The following CTDNEP1 variants were observed in gnomAD, a reference collection of about 807,000 sequenced individuals.
CTDNEP1 encodes the protein C-terminal domain nuclear envelope phosphatase 1.
CTDNEP1 carries 3 observed loss-of-function variants against 30.1 expected under a neutral mutation model. The observed-to-expected ratio is 0.10, with a 90% confidence interval of 0.05 to 0.26. The LOEUF (loss-of-function observed/expected upper bound fraction) is 0.26. Among genes scored for constraint, CTDNEP1 ranks in the 10% least tolerant of loss-of-function variants. CTDNEP1 has a pLI of 1.00. For synonymous variants in CTDNEP1, 123 were observed against 118.8 expected, an observed-to-expected ratio of 1.04 and a Z score of -0.23; for missense variants, 158 against 310.4, an observed-to-expected ratio of 0.51 and a Z score of 3.69.
chr17:7,245,486 T>C (rs1317182234), intron 6 of CTDNEP1, among the ~76,000 whole-genome samples: 1 of 151,450 alleles, frequency 6.6e-6, no homozygotes, highest in African/African-American at 2.4e-5. Flanking sequence ...AAATAAATTT[T>C]ATTTTTATTT....
chr17:7,249,739 C>A (rs1340476246), intron 1 of CTDNEP1, among the ~76,000 whole-genome samples: 3 of 152,120 alleles, frequency 2.0e-5, no homozygotes, highest in South Asian at 4.1e-4. Flanking sequence ...GGTGAAAACC[C>A]GTTTCTACTA....
rs952892191 is a variant in CTDNEP1 at position 7,247,507 on chromosome 17, T to G, written c.103-164A>C. ...TTTTTGAGATGGAGTCTCGCTCTGT[T>G]GCCCAGGCTGGAGTGCAGCGGCATG... is the stretch of plus-strand genomic sequence containing the variant. On this transcript the variant is annotated intron_variant, in intron 1 of 7. Transcript: ENST00000574322. 2.6e-5 allele frequency among the ~76,000 whole-genome samples: 4 copies of G among 151,362 alleles called. No individual in the cohort carries two copies. The South Asian group carries it at 8.4e-4, about 32-fold the overall frequency.
chr17:7,250,050 CTAAATCAGGAA>C (rs973903169), intron 1 of CTDNEP1, among the ~76,000 whole-genome samples: 98 of 152,146 alleles, frequency 6.4e-4, no homozygotes, highest in African/African-American at 2.3e-3. Context: ...TGTTCGCGCC[CTAAATCAGGAA>C]GTGGAAGCAG....
chr17:7,251,293 T>A lies in CTDNEP1; in HGVS notation c.4A>T (p.Met2Leu). ...AGCCCCAGCAGACACTGCGTCCGCA[T>A]CATCCCGATGACCCCGGCACCGCCG... M[M>L]RTQCLLGLRT... The change falls in exon 1 of 8, where the codon ATG (methionine) becomes TTG (leucine). Residue 2 changes from methionine to leucine, a missense_variant. Physicochemically the swap from Met to Leu is conservative, Grantham distance 15. Around this residue, in one of 2 missense-constraint regions of CTDNEP1, gnomAD observed 62 missense variants for 81.4 expected, o/e 0.76. Coordinates refer to ENST00000574322, the MANE Select transcript of CTDNEP1 (RefSeq NM_001143775.2). 6.4e-7 allele frequency: 1 copy of A among 1,572,752 alleles called. No homozygotes were observed. Among genetic ancestry groups the A allele is most frequent in the Non-Finnish European group, 8.6e-7 (1 of 1,162,216 alleles).
rs543551576 is a variant in CTDNEP1, at chr17:7,245,249, G to A, written c.590-614C>T. 2.2e-4 allele frequency among the ~76,000 whole-genome samples: 34 copies of A among 151,980 alleles called. No homozygotes were observed. The South Asian group carries it at 6.4e-3, about 29-fold the overall frequency. ...GGAGGTTGCAGTAAGCCGAGATCAC[G>A]CCACTGCATTCCAGCCTGGGTGACA... On this transcript the variant is annotated intron_variant, in intron 6 of 7. Transcript: ENST00000574322.
chr17:7,246,602 A>G lies in CTDNEP1; in HGVS notation c.360+189T>C. The G allele has an allele frequency of 1.5e-6, 1 of 671,540 alleles. No homozygotes were observed. Among genetic ancestry groups the G allele is most frequent in the South Asian group, 1.8e-5 (1 of 55,838 alleles). 41.6% of individuals were successfully genotyped at this position (671,540 alleles called of 1,614,324 possible). ...AACAAAAGAGAAAGATGCCAGCGGA[A>G]AAGAATTACATCAGCACAACAAATG... On this transcript the variant is annotated intron_variant, in intron 4 of 7. Transcript: ENST00000574322. This position sits in a 1 kb window ranked among gnomAD's most constrained non-coding sequence, Gnocchi z 4.9.
intron 1 of CTDNEP1, among the ~76,000 whole-genome samples, chr17:7,250,653 C>CT (rs746320569): frequency 1.2e-4 from 19 of 152,280 alleles, no homozygotes; most frequent in Middle Eastern, 6.8e-3. Flanking sequence ...TTTTCACAGC[C>CT]TTTTTGGAGG....
rs769151293 is a variant in CTDNEP1, at chr17:7,246,851, G to A, written c.300C>T (p.Asp100=). The stretch of plus-strand genomic sequence containing the variant: ...GTACAAAAAACCGGACAGGATGTTT[G>A]TCTATTACCACCTACAGAGGAACAA... The part of the protein sequence containing the change: ...PPDFILKVVI[D]KHPVRFFVHK... Residue 100 remains aspartate, a synonymous_variant, in exon 4 of 8, where the codon GAC becomes GAT. Transcript: ENST00000574322. The surrounding 1 kb of genome is among the most constrained non-coding windows in gnomAD (Gnocchi z 4.9). 5.0e-6 allele frequency: 8 copies of A among 1,613,996 alleles called. No homozygotes were observed. Among genetic ancestry groups the A allele is most frequent in the Non-Finnish European group, 6.8e-6 (8 of 1,179,896 alleles).
Position 7,251,462 on chromosome 17 carries a change from G to A in CTDNEP1, c.-166C>T, listed in dbSNP as rs1217199101. On this transcript the variant is annotated 5_prime_UTR_variant, in exon 1 of 8. Coordinates refer to ENST00000574322, the MANE Select transcript of CTDNEP1 (RefSeq NM_001143775.2). ...CGGCTCAGAAAGCCACCCCTGGCGA[G>A]GGTAAAGCCCAGCGGAACGGGGAGC... 5 of 438,628 alleles carry A rather than the reference G, an allele frequency of 1.1e-5. No individual in the cohort carries two copies. The highest frequency in any genetic ancestry group is 8.4e-5 in the African/African-American group (4 of 47,822). The allele number at this position is 438,628 out of a possible 1,614,324, so 27.2% of individuals were successfully genotyped here.
intron 1 of CTDNEP1, among the ~76,000 whole-genome samples, chr17:7,250,725 G>T (rs576524168): frequency 2.0e-5 from 3 of 152,068 alleles, no homozygotes; most frequent in Non-Finnish European, 4.4e-5. Context: ...CCAAGTTCCC[G>T]TCCTTGTTTG....
In CTDNEP1 at chr17:7,248,259, C is replaced by CAA. The variant is rs755835552; in HGVS notation, c.103-918_103-917dup. Among the ~76,000 whole-genome samples the CAA allele has an allele frequency of 5.5e-3, 84 of 15,404 alleles. 9 individuals are homozygous for CAA. The highest frequency in any genetic ancestry group is 7.8e-3 in the Admixed American group (7 of 892). The allele number at this position is 15,404 out of a possible 152,430, so 10.1% of individuals were successfully genotyped here. A position where few individuals can be genotyped will look rare whatever the true frequency, so the allele number is the denominator to read the frequency against. On this transcript the variant is annotated intron_variant, in intron 1 of 7. Coordinates refer to ENST00000574322, the MANE Select transcript of CTDNEP1 (RefSeq NM_001143775.2). ...CTGGTGACAGAGCAAGACTCCGTCG[C>CAA]AAAAAAAAAAAAAAAAAAAAAAAAA...
intron 1 of CTDNEP1, among the ~76,000 whole-genome samples, chr17:7,248,603 T>C (rs2521987): frequency 1 from 151,439 of 152,106 alleles, 75,389 homozygotes; most frequent in Middle Eastern, 1. Context: ...ATGATCCACC[T>C]GCCTCAGCTT....
Position 7,246,415 on chromosome 17 carries a change from T to C in CTDNEP1, c.361-45A>G. ...AGGGCGATGCCATACAAGGTGATGA[T>C]TCCTTTAGACATACAGTTATCTTTC... On this transcript the variant is annotated intron_variant, in intron 4 of 7. Transcript: ENST00000574322. This position sits in a 1 kb window ranked among gnomAD's most constrained non-coding sequence, Gnocchi z 4.9. The C allele has an allele frequency of 3.0e-6, 4 of 1,351,174 alleles. No homozygotes were observed. The highest frequency in any genetic ancestry group is 4.2e-6 in the Non-Finnish European group (4 of 943,340). The allele number at this position is 1,351,174 out of a possible 1,614,324, so 83.7% of individuals were successfully genotyped here.
chr17:7,250,341 A>T (rs1030897265), intron 1 of CTDNEP1, among the ~76,000 whole-genome samples: 5 of 152,308 alleles, frequency 3.3e-5, no homozygotes, highest in Non-Finnish European at 7.4e-5. Context: ...ACATTCATTT[A>T]AAGTGCTGTT....
At chr17:7,245,889 C>G (rs112540402) in intron 6 of CTDNEP1, 137 bp downstream of exon 6, 434 of 607,116 alleles carry the variant, frequency 7.1e-4, no homozygotes, top group Non-Finnish European at 1.1e-3. Context: ...ACAAAAATAA[C>G]TTGCATTTCG....
chr17:7,249,094 G>A lies in CTDNEP1; in HGVS notation c.103-1751C>T, dbSNP rs145545217. On this transcript the variant is annotated intron_variant, in intron 1 of 7. Transcript: ENST00000574322. ...TGAAGTCAGGGCCGTTAAGTGAGAG[G>A]TGAATAAGGGACAAGGACGTCACCA... Among the ~76,000 whole-genome samples the A allele has an allele frequency of 5.9e-5, 9 of 152,300 alleles. No individual in the cohort carries two copies. The East Asian group carries it at 1.7e-3, about 29-fold the overall frequency.
chr17:7,245,309 A>G (rs1417106727), intron 6 of CTDNEP1, among the ~76,000 whole-genome samples: 2 of 151,444 alleles, frequency 1.3e-5, no homozygotes, highest in African/African-American at 4.8e-5. Context: ...AATAAAAAAT[A>G]AAAAAATTAG....
intron 3 of CTDNEP1, 35 bp downstream of exon 3, chr17:7,247,029 A>G: frequency 6.5e-7 from 1 of 1,531,088 alleles, no homozygotes; most frequent in East Asian, 2.3e-5. Flanking sequence ...AGAGGAACAG[A>G]TGGAACCATT....
At position 7,251,314 on chromosome 17, in the gene CTDNEP1, C is replaced by T. The variant is rs576568437; in HGVS notation, c.-18G>A. On this transcript the variant is annotated 5_prime_UTR_variant, in exon 1 of 8. Transcript: ENST00000574322. ...CGCATCATCCCGATGACCCCGGCACCGCCGGCCCCGGGGCCCCCGCGGCCC... is the reference window on the plus strand; with the variant it reads ...CGCATCATCCCGATGACCCCGGCACTGCCGGCCCCGGGGCCCCCGCGGCCC... The T allele has an allele frequency of 2.9e-5, 44 of 1,502,002 alleles. No individual in the cohort carries two copies. The Admixed American group carries it at 9.4e-4, about 32-fold the overall frequency. The allele number at this position is 1,502,002 out of a possible 1,614,324, so 93.0% of individuals were successfully genotyped here.
Sources: gnomAD v4.1 joint callset for allele counts (sites outside exome capture counted in the v4.1 genomes callset) on GRCh38, gnomAD v4.1.1 for gene constraint, gnomAD v4.1.1 regional missense constraint, Gnocchi (gnomAD v3.1) non-coding constraint, MANE v1.5 for transcripts, NCBI Gene and HGNC (gene_info 2026-07-23, HGNC 2026-07-21) for gene names.